Variants in YLPM1 observed in about 807,000 individuals in gnomAD.
The protein encoded by YLPM1 is YLP motif containing 1.
In YLPM1, 99 loss-of-function variants were observed where a neutral mutation model predicts 230.0. The observed-to-expected ratio is 0.43, with a 90% CI of 0.37 to 0.51. YLPM1 has a LOEUF of 0.51. Among genes scored for constraint, YLPM1 ranks in the 20% least tolerant of loss-of-function variants. YLPM1 has a pLI of 0.00. For missense variants in YLPM1, 2,592 were observed against 2,707.7 expected, an observed-to-expected ratio of 0.96 and a Z score of 0.95; for synonymous variants, 984 against 942.5, an observed-to-expected ratio of 1.04 and a Z score of -0.81.
chr14:74,820,448 A>G (rs913790072), intron 16 of YLPM1, among the ~76,000 whole-genome samples: 5 of 151,994 alleles, frequency 3.3e-5, no homozygotes, highest in Admixed American at 6.5e-5. Flanking sequence ...GGGTCTCACT[A>G]TGTTGCCCAG....
At chr14:74,785,416 C>T (rs1244184924) in intron 4 of YLPM1, among the ~76,000 whole-genome samples, 5 of 152,202 alleles carry the variant, frequency 3.3e-5, no homozygotes, top group Non-Finnish European at 5.9e-5. Context: ...TATGTCATTG[C>T]CATTTCAGTC....
rs2091636195 is a variant in YLPM1, at chr14:74,835,405, T to C, written c.6435T>C (p.Tyr2145=). Residue 2145 remains tyrosine (Y), a synonymous_variant, in exon 20 of 21, where the codon TAT becomes TAC. Transcript: ENST00000325680. ...LAEKALNRTK[Y]I ...AAAAAGCCCTCAATCGAACCAAATATATATGAGACTTAGTTTTTGAACGGA... is the reference window on the plus strand; with the variant it reads ...AAAAAGCCCTCAATCGAACCAAATACATATGAGACTTAGTTTTTGAACGGA... 6.2e-7 allele frequency: 1 copy of C among 1,613,426 alleles called. No individual in the cohort carries two copies. Among genetic ancestry groups the C allele is most frequent in the Non-Finnish European group, 8.5e-7 (1 of 1,179,574 alleles).
chr14:74,800,697 A>G (rs1363728277), intron 5 of YLPM1, among the ~76,000 whole-genome samples: 1 of 152,226 alleles, frequency 6.6e-6, no homozygotes, highest in Non-Finnish European at 1.5e-5. Flanking sequence ...CAGATACGGC[A>G]GGTTTGTATG....
intron 19 of YLPM1, among the ~76,000 whole-genome samples, chr14:74,830,993 G>A (rs548481672): frequency 5.3e-5 from 8 of 152,308 alleles, no homozygotes; most frequent in Admixed American, 2.0e-4. Context: ...TGCCAGTACA[G>A]ATGTGAAGGT....
At chr14:74,784,901 G>A (rs145882591) in intron 4 of YLPM1, among the ~76,000 whole-genome samples, 217 of 152,258 alleles carry the variant, frequency 1.4e-3, no homozygotes, top group South Asian at 3.5e-3. Context: ...TCCTTTGAAG[G>A]GCCTTTAGTT....
chr14:74,825,093 T>G lies in YLPM1; in HGVS notation c.6163+786T>G, dbSNP rs892278003. 1.7e-4 allele frequency among the ~76,000 whole-genome samples: 26 copies of G among 152,180 alleles called. 1 individual carries two copies. The highest frequency in any genetic ancestry group is 6.5e-5 in the Admixed American group (1 of 15,272). ...GACTTTTTGAGATCAGCCTTACTGA[T>G]GTATGAAGTATGACTGTCAGTTTAT... is the stretch of plus-strand genomic sequence containing the variant. On this transcript the variant is annotated intron_variant, in intron 18 of 20. Transcript: ENST00000325680.
chr14:74,782,245 G>A lies in YLPM1; in HGVS notation c.2202G>A (p.Val734=). The A allele has an allele frequency of 1.3e-6, 2 of 1,596,206 alleles. No homozygotes were observed. The highest frequency in any genetic ancestry group is 1.7e-6 in the Non-Finnish European group (2 of 1,177,482). The stretch of plus-strand genomic sequence containing the variant: ...CTCCATCTCAGCCAATCACTGCAGT[G>A]AAGGACATGCCAGTGAGATCAGGTG... The part of the protein sequence containing the change: ...SAAPSQPITA[V]KDMPVRSGGL... The change falls in exon 4 of 21, where the codon GTG becomes GTA. Residue 734 remains valine (V), a synonymous_variant. Coordinates refer to ENST00000325680, the MANE Select transcript of YLPM1 (RefSeq NM_019589.3).
At position 74,778,702 on chromosome 14, in the gene YLPM1, G is replaced by C. The variant is rs769639858; in HGVS notation, c.1110+19G>C. On this transcript the variant is annotated intron_variant, in intron 2 of 20. Coordinates refer to ENST00000325680, the MANE Select transcript of YLPM1 (RefSeq NM_019589.3). Reference sequence around the variant, plus strand: ...ACCCCAGGTAACCATATAATTAATTGTTTGTGTTTATTAAATTATTTAGCT... The same window carrying C: ...ACCCCAGGTAACCATATAATTAATTCTTTGTGTTTATTAAATTATTTAGCT... 2 of 1,520,720 alleles carry C rather than the reference G, an allele frequency of 1.3e-6. No individual in the cohort carries two copies. The highest frequency in any genetic ancestry group is 4.3e-5 in the Admixed American group (2 of 46,288). 94.2% of individuals were successfully genotyped at this position (1,520,720 alleles called of 1,614,324 possible).
At chr14:74,822,285 T>G (rs2091527691) in intron 17 of YLPM1, among the ~76,000 whole-genome samples, 1 of 152,180 alleles carries the variant, frequency 6.6e-6, no homozygotes, top group Admixed American at 6.5e-5. Context: ...AGAAACTGAT[T>G]ACGTGAGAAG....
intron 1 of YLPM1, among the ~76,000 whole-genome samples, chr14:74,772,666 A>G (rs529484140): frequency 1.6e-4 from 24 of 152,064 alleles, no homozygotes; most frequent in African/African-American, 5.3e-4. Flanking sequence ...CAATAGTTCT[A>G]CATTCTTTAT....
At chr14:74,810,809 T>C (rs1432012770) in intron 9 of YLPM1, among the ~76,000 whole-genome samples, 2 of 152,080 alleles carry the variant, frequency 1.3e-5, no homozygotes, top group Non-Finnish European at 2.9e-5. Flanking sequence ...ATGAACTATT[T>C]ATTTATTTAT....
intron 6 of YLPM1, among the ~76,000 whole-genome samples, chr14:74,807,237 G>A (rs190199428): frequency 6.6e-6 from 1 of 151,976 alleles, no homozygotes; most frequent in Admixed American, 6.6e-5. Flanking sequence ...GGCTCTCCAG[G>A]ATCTAAAATA....
intron 5 of YLPM1, 119 bp downstream of exon 5, chr14:74,799,816 T>C (rs2091307913): frequency 5.8e-6 from 8 of 1,388,234 alleles, no homozygotes; most frequent in Non-Finnish European, 5.7e-6. Context: ...TCACATACTT[T>C]TAATTTATAT....
At chr14:74,811,811 T>A in intron 10 of YLPM1, 73 bp downstream of exon 10, 1 of 1,091,280 alleles carries the variant, frequency 9.2e-7, no homozygotes, top group Non-Finnish European at 1.3e-6. Flanking sequence ...ATTGTAGCTA[T>A]GAATTTAAAC....
At chr14:74,814,766 T>C (rs2091463829) in intron 11 of YLPM1, among the ~76,000 whole-genome samples, 1 of 152,230 alleles carries the variant, frequency 6.6e-6, no homozygotes, top group Admixed American at 6.5e-5. Context: ...AATTATTCCT[T>C]CCTATTCTAT....
At chr14:74,819,392 A>G (rs2091503575) in intron 16 of YLPM1, among the ~76,000 whole-genome samples, 1 of 150,000 alleles carries the variant, frequency 6.7e-6, no homozygotes, top group Admixed American at 6.7e-5. Flanking sequence ...CTCCTGCCTC[A>G]GCCTCCTTAT....
chr14:74,816,407 T>C (rs1341546398), intron 12 of YLPM1, 142 bp downstream of exon 12: 4 of 1,234,730 alleles, frequency 3.2e-6, no homozygotes, highest in Non-Finnish European at 4.5e-6. Flanking sequence ...GTGGTAGATG[T>C]TGTCCCATAT....
intron 10 of YLPM1, 48 bp downstream of exon 10, chr14:74,811,786 TG>T: frequency 7.9e-7 from 1 of 1,272,946 alleles, no homozygotes; most frequent in Non-Finnish European, 1.1e-6. Flanking sequence ...ATGTAAAGCA[TG>T]GGAGATGCTT....
intron 5 of YLPM1, 39 bp downstream of exon 5, chr14:74,799,736 C>G: frequency 6.5e-7 from 1 of 1,543,120 alleles, no homozygotes; most frequent in Non-Finnish European, 8.7e-7. Flanking sequence ...TTAATAAAAA[C>G]CACATTCAGA....
Sources: gnomAD v4.1 joint callset for allele counts (sites outside exome capture counted in the v4.1 genomes callset) on GRCh38, gnomAD v4.1.1 for gene constraint, MANE v1.5 for transcripts, NCBI Gene and HGNC (gene_info 2026-07-23, HGNC 2026-07-21) for gene names.